The following DSN1 variants were observed in gnomAD, a reference collection of about 807,000 sequenced individuals.
DSN1 encodes the protein DSN1 component of MIS12 kinetochore complex.
In DSN1, 31 loss-of-function variants were observed where a neutral mutation model predicts 45.7. The observed-to-expected ratio is 0.68, with a 90% CI of 0.51 to 0.92. The LOEUF is 0.92. DSN1 is among the 40% of genes least tolerant of loss of function. The pLI is 0.00. For missense variants in DSN1, 394 were observed against 414.2 expected (o/e 0.95, Z 0.42); for synonymous variants, 134 against 142.3 (o/e 0.94, Z 0.41).
chr20:36,762,072 C>G (rs984086764), intron 6 of DSN1, among the ~76,000 whole-genome samples: 2 of 147,518 alleles, frequency 1.4e-5, no homozygotes, highest in African/African-American at 2.5e-5. Flanking sequence ...GAATGAACAA[C>G]TATCTAATTA....
chr20:36,762,788 G>A (rs898098834), intron 5 of DSN1, among the ~76,000 whole-genome samples: 1 of 151,960 alleles, frequency 6.6e-6, no homozygotes, highest in African/African-American at 2.4e-5. Context: ...CTCTCGCTCC[G>A]TCACCTAGGC....
At position 36,771,460 on chromosome 20, in the gene DSN1, C is replaced by T. The variant is rs773936279; in HGVS notation, c.-2G>A. 5.0e-6 allele frequency: 8 copies of T among 1,613,262 alleles called. No individual in the cohort carries two copies. The highest frequency in any genetic ancestry group is 1.7e-4 in the Middle Eastern group (1 of 6,058). ...CTCTGATCTAGTCACTGAAGTCATC[C>T]TAGGTGGTAAACTCTGAAAATAGGA... On this transcript the variant is annotated 5_prime_UTR_variant, in exon 2 of 11. Coordinates refer to ENST00000373750, the MANE Select transcript of DSN1 (RefSeq NM_001145315.2).
intron 5 of DSN1, among the ~76,000 whole-genome samples, chr20:36,766,213 GA>G (rs1241318668): frequency 2.9e-5 from 4 of 139,590 alleles, no homozygotes; most frequent in Admixed American, 7.2e-5. Context: ...AAAAAAAAAA[GA>G]AAAAAAAAGC....
intron 6 of DSN1, among the ~76,000 whole-genome samples, chr20:36,759,155 G>T (rs1214290415): frequency 1.3e-5 from 2 of 151,848 alleles, no homozygotes; most frequent in African/African-American, 4.8e-5. Flanking sequence ...GCTAATTTTT[G>T]TATTTTTAGT....
intron 9 of DSN1, among the ~76,000 whole-genome samples, chr20:36,755,119 A>G (rs1986602636): frequency 1.3e-5 from 2 of 152,070 alleles, no homozygotes; most frequent in Non-Finnish European, 1.5e-5. Flanking sequence ...AGTTGGCTCA[A>G]CTCAGCTAAC....
intron 5 of DSN1, among the ~76,000 whole-genome samples, chr20:36,765,759 C>G (rs1987288536): frequency 6.9e-6 from 1 of 145,464 alleles, no homozygotes; most frequent in Non-Finnish European, 1.5e-5. Flanking sequence ...GATCCCGCCA[C>G]TACACTCCAG....
Position 36,752,721 on chromosome 20 carries a change from C to T in DSN1, c.*67G>A. 1 of 1,312,986 alleles carries T rather than the reference C, an allele frequency of 7.6e-7. No individual in the cohort carries two copies. The highest frequency in any genetic ancestry group is 1.1e-6 in the Non-Finnish European group (1 of 909,470). The allele number at this position is 1,312,986 out of a possible 1,614,324, so 81.3% of individuals were successfully genotyped here. A position where few individuals can be genotyped will look rare whatever the true frequency, so the allele number is the denominator to read the frequency against. ...GCAACGAGCAGAAATCACGCAGTCA[C>T]CACGTGCTGGGGCACTCTTCCCATT... On this transcript the variant is annotated 3_prime_UTR_variant, in exon 11 of 11. Coordinates refer to ENST00000373750, the MANE Select transcript of DSN1 (RefSeq NM_001145315.2).
chr20:36,770,525 T>C (rs944131761), intron 3 of DSN1, among the ~76,000 whole-genome samples: 9 of 152,166 alleles, frequency 5.9e-5, no homozygotes, highest in African/African-American at 1.9e-4. Flanking sequence ...GAGGTGAGTA[T>C]TGAACAATTA....
chr20:36,760,855 A>C (rs1175419764), intron 6 of DSN1, among the ~76,000 whole-genome samples: 1 of 152,070 alleles, frequency 6.6e-6, no homozygotes, highest in South Asian at 2.1e-4. Context: ...GCGCCATTAC[A>C]CTCCAGCCTG....
intron 4 of DSN1, 122 bp from the exon 5 acceptor site, chr20:36,766,963 C>G (rs1001743870): frequency 6.4e-5 from 38 of 589,630 alleles, no homozygotes; most frequent in Non-Finnish European, 2.9e-5. Flanking sequence ...GTAATTTTTA[C>G]ACATAAGACT....
At position 36,771,050 on chromosome 20, in the gene DSN1, T is replaced by A. The variant is rs950942704; in HGVS notation, c.178A>T (p.Lys60Ter). The change falls in exon 3 of 11, where the codon AAA (lysine) becomes TAA (stop). Residue 60 changes from lysine (K) to a stop codon, truncating the protein, a stop_gained. Transcript: ENST00000373750. LOFTEE classifies it high-confidence loss of function. ...CTGAGATCACAATTTCCCCCTTTTT[T>A]AGGGCTAGAGCCAAGGTGAATTCTT... ...EERIHLGSSP[K>*]KGGNCDLSHQ... 9.3e-6 allele frequency: 15 copies of A among 1,614,074 alleles called. No individual in the cohort carries two copies. Among genetic ancestry groups the A allele is most frequent in the South Asian group, 2.2e-5 (2 of 91,088 alleles).
In DSN1 at chr20:36,773,647, C is replaced by T. The variant is rs1391746915; in HGVS notation, c.-16+15G>A. 1 of 985,540 alleles carries T rather than the reference C, an allele frequency of 1.0e-6. No individual in the cohort carries two copies. Among genetic ancestry groups the T allele is most frequent in the East Asian group, 1.1e-4 (1 of 8,830 alleles). 61.0% of individuals were successfully genotyped at this position (985,540 alleles called of 1,614,324 possible). ...TGTGACTTCCTGACGCCCGTCCAGT[C>T]CGGAACCTCCGTACCTGAAACACAA... is the stretch of plus-strand genomic sequence containing the variant. On this transcript the variant is annotated intron_variant, in intron 1 of 10. Transcript: ENST00000373750.
At chr20:36,773,146 G>A (rs1299138775) in intron 1 of DSN1, among the ~76,000 whole-genome samples, 3 of 152,202 alleles carry the variant, frequency 2.0e-5, no homozygotes, top group Admixed American at 6.5e-5. Context: ...CACAGATCCA[G>A]GCTTAGAAAA....
At chr20:36,763,410 GAAAAAAAAAAAAA>G (rs71186016) in intron 5 of DSN1, among the ~76,000 whole-genome samples, 2 of 84,100 alleles carry the variant, frequency 2.4e-5, no homozygotes, top group Non-Finnish European at 2.0e-5. Flanking sequence ...CTCAAAAAAA[GAAAAAAAAAAAAA>G]AAAAAAAAAA....
At chr20:36,755,261 C>G (rs920217870) in intron 9 of DSN1, among the ~76,000 whole-genome samples, 1 of 152,088 alleles carries the variant, frequency 6.6e-6, no homozygotes, top group African/African-American at 2.4e-5. Context: ...CTCCAATACC[C>G]ATACCTTTCT....
At chr20:36,755,968 T>A in intron 8 of DSN1, 139 bp from the exon 9 acceptor site, 1 of 1,028,542 alleles carries the variant, frequency 9.7e-7, no homozygotes, top group Non-Finnish European at 1.4e-6. Flanking sequence ...AGAAAGGTTT[T>A]TTTTTGTTTG....
intron 9 of DSN1, 138 bp downstream of exon 9, chr20:36,755,544 C>T: frequency 1.0e-6 from 1 of 995,916 alleles, no homozygotes; most frequent in Admixed American, 2.9e-5. Flanking sequence ...TTTTAATTGT[C>T]TCTCCATGTT....
chr20:36,762,542 G>A lies in DSN1; in HGVS notation c.509C>T (p.Ser170Phe). The A allele has an allele frequency of 6.2e-7, 1 of 1,613,388 alleles. No individual in the cohort carries two copies. Among genetic ancestry groups the A allele is most frequent in the Non-Finnish European group, 8.5e-7 (1 of 1,179,688 alleles). ...AAAATGTTTCAATTCTTCAGAAAGA[G>A]AAGATGCTAGACAGCACAAATTTAC... is the stretch of plus-strand genomic sequence containing the variant. The part of the protein sequence containing the change: ...SLESFRAKAS[S>F]LSEELKHFAD... The change falls in exon 6 of 11, where the codon TCT becomes TTT. Residue 170 changes from serine (S) to phenylalanine (F), a missense_variant. Transcript: ENST00000373750.
intron 4 of DSN1, among the ~76,000 whole-genome samples, chr20:36,767,590 A>G (rs1987414850): frequency 6.6e-6 from 1 of 151,926 alleles, no homozygotes; most frequent in Non-Finnish European, 1.5e-5. Context: ...ACATGGTGAA[A>G]CCCCGTCTCA....
Sources: gnomAD v4.1 joint callset for allele counts (sites outside exome capture counted in the v4.1 genomes callset) on GRCh38, gnomAD v4.1.1 for gene constraint, MANE v1.5 for transcripts, NCBI Gene and HGNC (gene_info 2026-07-23, HGNC 2026-07-21) for gene names.